Variants in PER3 observed in about 807,000 individuals in gnomAD.
PER3 encodes the protein period circadian regulator 3.
In PER3, 107 loss-of-function variants were observed where a neutral mutation model predicts 127.2. The observed-to-expected ratio is 0.84, with a 90% CI of 0.72 to 0.99. The LOEUF is 0.99. Ranked by LOEUF, PER3 falls within the 50% of genes least tolerant of loss-of-function variation. The pLI, the probability that PER3 is intolerant of heterozygous loss-of-function variation, is 0.00. For missense variants in PER3, 1,560 were observed against 1,525.8 expected (o/e 1.02, Z -0.37); for synonymous variants, 618 against 585.8 (o/e 1.05, Z -0.79).
In PER3 at chr1:7,845,024, T is replaced by C. The variant is rs910510171; in HGVS notation, c.*2269T>C. ...CATTTTGCAATTGAGTGACACTTCA[T>C]TGTAATTCACAGTGTAAATTTAATC... is the stretch of plus-strand genomic sequence containing the variant. On this transcript the variant is annotated 3_prime_UTR_variant, in exon 22 of 22. Transcript: ENST00000377532. 1 of 152,416 alleles carries C rather than the reference T, an allele frequency of 6.6e-6. No homozygotes were observed. Among genetic ancestry groups the C allele is most frequent in the Admixed American group, 6.5e-5 (1 of 15,294 alleles). 9.4% of individuals were successfully genotyped at this position (152,416 alleles called of 1,614,324 possible).
rs186997011 is a variant in PER3, at chr1:7,794,107, C to T, written c.644+99C>T. The T allele has an allele frequency of 2.8e-4, 264 of 958,724 alleles. 2 individuals are homozygous for T. The East Asian group carries it at 5.0e-3, about 18-fold the overall frequency. The allele number at this position is 958,724 out of a possible 1,614,324, so 59.4% of individuals were successfully genotyped here. Reference sequence around the variant, plus strand: ...TTGTGTATTCAGCTCACTTCTGTTGCGAGATACAAAAAATAAGACTTGGTT... The same window carrying T: ...TTGTGTATTCAGCTCACTTCTGTTGTGAGATACAAAAAATAAGACTTGGTT... On this transcript the variant is annotated intron_variant, in intron 6 of 21. Coordinates refer to ENST00000377532, the MANE Select transcript of PER3 (RefSeq NM_001377275.1).
At chr1:7,790,657 A>T (rs2097115046) in intron 5 of PER3, among the ~76,000 whole-genome samples, 3 of 152,232 alleles carry the variant, frequency 2.0e-5, no homozygotes, top group African/African-American at 7.2e-5. Context: ...CCAAAAGTCC[A>T]AGTCCAAAGT....
chr1:7,817,477 G>C (rs755533032), intron 13 of PER3, among the ~76,000 whole-genome samples: 1 of 152,188 alleles, frequency 6.6e-6, no homozygotes, highest in South Asian at 2.1e-4. Context: ...CACAAACACT[G>C]TACGCAAGTT....
chr1:7,792,015 C>G (rs915594830), intron 5 of PER3, among the ~76,000 whole-genome samples: 1 of 152,326 alleles, frequency 6.6e-6, no homozygotes, highest in Middle Eastern at 3.4e-3. Context: ...TTACCCAGTT[C>G]CAAAGTCACT....
At chr1:7,786,416 C>T (rs2097090981) in intron 3 of PER3, among the ~76,000 whole-genome samples, 1 of 152,064 alleles carries the variant, frequency 6.6e-6, no homozygotes, top group South Asian at 2.1e-4. Context: ...TGATATGTTC[C>T]TGAATGACAG....
intron 13 of PER3, among the ~76,000 whole-genome samples, chr1:7,812,073 A>G (rs1259522239): frequency 1.3e-5 from 2 of 152,172 alleles, no homozygotes; most frequent in Non-Finnish European, 2.9e-5. Context: ...TTTTAAAGCT[A>G]AAGTGTCTAA....
intron 19 of PER3, among the ~76,000 whole-genome samples, chr1:7,833,151 A>G (rs899049225): frequency 6.6e-6 from 1 of 152,062 alleles, no homozygotes; most frequent in Non-Finnish European, 1.5e-5. Flanking sequence ...ATTCTTTTGT[A>G]TTTTTTAAAT....
chr1:7,823,774 A>G (rs228694), intron 16 of PER3, among the ~76,000 whole-genome samples: 87,418 of 152,088 alleles, frequency 0.57, 26,120 homozygotes, highest in Middle Eastern at 0.73. Flanking sequence ...CAGATGATCC[A>G]TACAACACTA....
chr1:7,838,217 A>G (rs1345346704), intron 21 of PER3, among the ~76,000 whole-genome samples: 1 of 152,230 alleles, frequency 6.6e-6, no homozygotes, highest in Non-Finnish European at 1.5e-5. Context: ...TACACATAAC[A>G]TGGAATTTAC....
rs202213269 is a variant in PER3 at position 7,798,596 on chromosome 1, A to G, written c.716A>G (p.His239Arg). The G allele has an allele frequency of 8.1e-6, 13 of 1,613,290 alleles. No homozygotes were observed. The highest frequency in any genetic ancestry group is 1.0e-5 in the Non-Finnish European group (12 of 1,179,364). ...ATCATCCCCTATCTGATTCATGTACATCACCCTGCCCAGCCAGAATTGGAA... is the reference window on the plus strand; with the variant it reads ...ATCATCCCCTATCTGATTCATGTACGTCACCCTGCCCAGCCAGAATTGGAA... ...FRIIPYLIHV[H>R]HPAQPELESE... The change falls in exon 7 of 22, where the codon CAT becomes CGT. Residue 239 changes from histidine to arginine, a missense_variant. His to Arg is a conservative substitution (Grantham distance 29). Transcript: ENST00000377532.
At chr1:7,834,522 C>CACTG (rs1434220442) in intron 19 of PER3, among the ~76,000 whole-genome samples, 1 of 152,180 alleles carries the variant, frequency 6.6e-6, no homozygotes, top group Non-Finnish European at 1.5e-5. Flanking sequence ...CTGATGCAAT[C>CACTG]ATAGCTCACT....
At chr1:7,832,662 C>T (rs1183520703) in intron 19 of PER3, among the ~76,000 whole-genome samples, 1 of 151,898 alleles carries the variant, frequency 6.6e-6, no homozygotes, top group Admixed American at 6.6e-5. Context: ...CATCATCCAC[C>T]GTGTCCAGCC....
intron 19 of PER3, among the ~76,000 whole-genome samples, chr1:7,830,532 T>A (rs2097326562): frequency 6.6e-6 from 1 of 152,244 alleles, no homozygotes; most frequent in Admixed American, 6.5e-5. Context: ...CTATGATTTA[T>A]GTATAGAATC....
At chr1:7,803,337 C>A (rs770900830) in intron 9 of PER3, among the ~76,000 whole-genome samples, 184 bp downstream of exon 9, 2 of 151,444 alleles carry the variant, frequency 1.3e-5, no homozygotes, top group Non-Finnish European at 2.9e-5. Context: ...ACCTGTAATC[C>A]CAGCACTTTG....
chr1:7,806,399 C>T (rs1238622562), intron 10 of PER3, among the ~76,000 whole-genome samples: 1 of 152,206 alleles, frequency 6.6e-6, no homozygotes, highest in East Asian at 1.9e-4. Context: ...TTCACATACA[C>T]AGCAAAGCAA....
At chr1:7,798,731 C>T (rs555030096) in intron 7 of PER3, 58 bp downstream of exon 7, 1 of 1,406,632 alleles carries the variant, frequency 7.1e-7, no homozygotes. Flanking sequence ...ATGGGAAAGT[C>T]TGTTTACGTC....
intron 3 of PER3, among the ~76,000 whole-genome samples, chr1:7,786,083 C>T (rs1275750423): frequency 6.6e-6 from 1 of 152,082 alleles, no homozygotes; most frequent in African/African-American, 2.4e-5. Flanking sequence ...GGTGAAACCC[C>T]GTCTCTACTA....
rs2097306611 is a variant in PER3 at position 7,827,351 on chromosome 1, C to T, written c.2422C>T (p.Pro808Ser). The change falls in exon 18 of 22, where the codon CCA becomes TCA. Residue 808 changes from proline (P) to serine (S), a missense_variant. By Grantham distance (74) the Pro-to-Ser change is moderately conservative. Transcript: ENST00000377532. ...MVPSQAPYLV[P>S]AFPLPAATSP... ...GCCCAGCCAGGCCCCTTACCTCGTC[C>T]CAGCTTTTCCCCTCCCAGCCGCGAC... 2.5e-6 allele frequency: 4 copies of T among 1,614,118 alleles called. No homozygotes were observed. Among genetic ancestry groups the T allele is most frequent in the Non-Finnish European group, 3.4e-6 (4 of 1,180,024 alleles).
chr1:7,814,917 A>G (rs1187017207), intron 13 of PER3, among the ~76,000 whole-genome samples: 4 of 152,330 alleles, frequency 2.6e-5, no homozygotes, highest in African/African-American at 9.6e-5. Context: ...AAACAATTCG[A>G]AAATATTTTT....
Sources: gnomAD v4.1 joint callset for allele counts (sites outside exome capture counted in the v4.1 genomes callset) on GRCh38, gnomAD v4.1.1 for gene constraint, MANE v1.5 for transcripts, NCBI Gene and HGNC (gene_info 2026-07-23, HGNC 2026-07-21) for gene names.